The following MS4A18 variants were observed in gnomAD, a reference collection of about 807,000 sequenced individuals.
MS4A18 encodes membrane spanning 4-domains A18.
MS4A18 carries 27 observed loss-of-function variants against 13.1 expected under a neutral mutation model. That is an observed-to-expected ratio of 2.06 (90% CI 1.52 to 2.84). The LOEUF is 2.84. Ranked by LOEUF, MS4A18 falls within the 30% of genes most tolerant of loss-of-function variation. The pLI is 0.00. For missense variants in MS4A18, 307 were observed against 196.4 expected (o/e 1.56, Z -3.37); for synonymous variants, 126 against 76.5 (o/e 1.65, Z -3.38).
chr11:60,741,549 A>G (rs1287230956), intron 5 of MS4A18, among the ~76,000 whole-genome samples: 1 of 152,160 alleles, frequency 6.6e-6, no homozygotes, highest in Non-Finnish European at 1.5e-5. Context: ...ACAGGCAAGC[A>G]CTTTAAGTCC....
Position 60,729,789 on chromosome 11 carries a change from G to A in MS4A18, c.474G>A (p.Val158=). The change falls in exon 1 of 6, where the codon GTG becomes GTA. Residue 158 remains valine (V), a synonymous_variant. Transcript: ENST00000529108. Reference sequence around the variant, plus strand: ...ATGAGGAGGTCAGAACATTAGGGGTGAGTGTGATTTCTCCTTCTCTCCGAT... The same window carrying A: ...ATGAGGAGGTCAGAACATTAGGGGTAAGTGTGATTTCTCCTTCTCTCCGAT... 2.9e-6 allele frequency: 2 copies of A among 689,526 alleles called. No homozygotes were observed. The highest frequency in any genetic ancestry group is 1.5e-5 in the South Asian group (1 of 64,960). The allele number at this position is 689,526 out of a possible 1,614,324, so 42.7% of individuals were successfully genotyped here.
Position 60,737,044 on chromosome 11 carries a change from A to G in MS4A18, c.648+10A>G, listed in dbSNP as rs745363848. 1.1e-5 allele frequency: 8 copies of G among 702,110 alleles called. No individual in the cohort carries two copies. Among genetic ancestry groups the G allele is most frequent in the South Asian group, 1.0e-4 (7 of 67,530 alleles). 43.5% of individuals were successfully genotyped at this position (702,110 alleles called of 1,614,324 possible). A position where few individuals can be genotyped will look rare whatever the true frequency, so the allele number is the denominator to read the frequency against. On this transcript the variant is annotated intron_variant, in intron 3 of 5. Transcript: ENST00000529108. ...CCCCAGTCCTTGTGTGGTAAGTCAC[A>G]GTGCTGTCTTTGATGATCCTTGAAT...
At chr11:60,739,655 G>A (rs182300823) in intron 4 of MS4A18, among the ~76,000 whole-genome samples, 12 of 152,274 alleles carry the variant, frequency 7.9e-5, no homozygotes, top group Admixed American at 4.6e-4. Flanking sequence ...CTCAATCATT[G>A]ATCAAAAACT....
At chr11:60,736,779 G>A (rs1270680892) in intron 2 of MS4A18, among the ~76,000 whole-genome samples, 199 bp from the exon 4 acceptor site, 1 of 152,186 alleles carries the variant, frequency 6.6e-6, no homozygotes, top group Non-Finnish European at 1.5e-5. Flanking sequence ...AGGAGTTTGA[G>A]TATCACGGTA....
At chr11:60,729,193 A>G (rs1853211494), upstream of MS4A18, 1 of 617,340 alleles carries the variant, frequency 1.6e-6, no homozygotes, top group Non-Finnish European at 2.9e-6. Context: ...GTCTGGTACC[A>G]TGCTAGGTGA....
At chr11:60,729,825 T>G (rs534230848) in intron 1 of MS4A18, 39 bp downstream of exon 2, 1 of 663,568 alleles carries the variant, frequency 1.5e-6, no homozygotes. Flanking sequence ...TTGGGTCACT[T>G]CATAAGCCCT....
At chr11:60,726,942 C>T (rs919205506), upstream of MS4A18, among the ~76,000 whole-genome samples, 3 of 151,788 alleles carry the variant, frequency 2.0e-5, no homozygotes, top group African/African-American at 7.3e-5. Flanking sequence ...CCCAACCCTC[C>T]GACAGGCCCC....
At chr11:60,726,283 A>G (rs1253380509), upstream of MS4A18, among the ~76,000 whole-genome samples, 2 of 152,136 alleles carry the variant, frequency 1.3e-5, no homozygotes, top group African/African-American at 4.8e-5. Flanking sequence ...TGTTTTTCCT[A>G]TGGAAGAGTA....
intron 1 of MS4A18, among the ~76,000 whole-genome samples, chr11:60,733,164 G>A (rs907834602): frequency 8.5e-5 from 13 of 152,202 alleles, no homozygotes; most frequent in Non-Finnish European, 1.8e-4. Context: ...CCACACAGCC[G>A]GCCAGTGCTG....
At chr11:60,739,337 C>A (rs1021057119) in intron 4 of MS4A18, among the ~76,000 whole-genome samples, 1 of 152,038 alleles carries the variant, frequency 6.6e-6, no homozygotes, top group African/African-American at 2.4e-5. Flanking sequence ...AGGGGTCTCT[C>A]GAGGGATAGC....
downstream of MS4A18, among the ~76,000 whole-genome samples, chr11:60,744,734 T>C (rs1448034509): frequency 6.6e-6 from 1 of 151,974 alleles, no homozygotes; most frequent in Non-Finnish European, 1.5e-5. Context: ...AAAGAGAATA[T>C]AGGGTTGCAA....
exon 6 of MS4A18, chr11:60,743,671 G>A (rs544477220): frequency 5.5e-5 from 39 of 702,872 alleles, no homozygotes; most frequent in East Asian, 5.1e-4. Context: ...GATTCCAACC[G>A]TATTCAGTTT....
chr11:60,736,951 CTTTTTT>C, intron 2 of MS4A18, 21 bp from the exon 4 acceptor site: 4 of 633,332 alleles, frequency 6.3e-6, no homozygotes, highest in East Asian at 2.9e-5. Flanking sequence ...ATTGGTCATT[CTTTTTT>C]TTTTTTTTTT....
intron 1 of MS4A18, among the ~76,000 whole-genome samples, chr11:60,733,195 T>A (rs1303692367): frequency 1.3e-5 from 2 of 152,226 alleles, no homozygotes; most frequent in Non-Finnish European, 2.9e-5. Context: ...AGGAGCCAGG[T>A]GGTTTTCAGC....
At chr11:60,744,696 G>A (rs1321138973), downstream of MS4A18, among the ~76,000 whole-genome samples, 1 of 152,086 alleles carries the variant, frequency 6.6e-6, no homozygotes, top group Admixed American at 6.5e-5. Context: ...TCACAAAATG[G>A]ACAAAAGGCT....
chr11:60,743,599 T>A, intron 5 of MS4A18, 51 bp from the exon 7 acceptor site: 1 of 679,526 alleles, frequency 1.5e-6, no homozygotes, highest in South Asian at 1.6e-5. Flanking sequence ...ATGGCCATTG[T>A]TGTTGTTTAC....
chr11:60,737,087 T>C (rs1853353847), intron 3 of MS4A18, 53 bp downstream of exon 4: 3 of 700,536 alleles, frequency 4.3e-6, no homozygotes, highest in Non-Finnish European at 7.8e-6. Context: ...TTTGACTCTC[T>C]ACCAAACATG....
At chr11:60,726,921 TC>T (rs970416013), upstream of MS4A18, among the ~76,000 whole-genome samples, 60 of 151,916 alleles carry the variant, frequency 3.9e-4, no homozygotes, top group African/African-American at 1.3e-3. Flanking sequence ...ATGCTCTCCC[TC>T]CCCTTGCCCC....
intron 1 of MS4A18, among the ~76,000 whole-genome samples, chr11:60,731,462 C>T (rs982512421): frequency 2.6e-5 from 4 of 152,300 alleles, no homozygotes; most frequent in East Asian, 3.9e-4. Flanking sequence ...GCCCTTTTCC[C>T]GATTGCCCCA....
Sources: allele counts gnomAD v4.1 joint callset (sites outside exome capture counted in the v4.1 genomes callset), GRCh38; gene constraint gnomAD v4.1.1; transcripts MANE v1.5; gene names NCBI Gene and HGNC (gene_info 2026-07-23, HGNC 2026-07-21).